The following MELK variants were observed in gnomAD, a reference collection of about 807,000 sequenced individuals.
MELK encodes the protein pEg3 kinase.
A neutral mutation model predicts 85.0 loss-of-function variants in MELK; 81 were observed. That is an observed-to-expected ratio of 0.95 (90% confidence interval 0.80 to 1.15). The LOEUF is 1.15. Ranked by LOEUF, MELK falls within the 50% of genes most tolerant of loss-of-function variation. MELK has a pLI of 0.00. For synonymous variants in MELK, 252 were observed against 265.0 expected (o/e 0.95, Z 0.48); for missense variants, 754 against 777.5 (o/e 0.97, Z 0.36).
intron 10 of MELK, among the ~76,000 whole-genome samples, chr9:36,641,739 C>T (rs1829778868): frequency 6.6e-6 from 1 of 151,572 alleles, no homozygotes; most frequent in Non-Finnish European, 1.5e-5. Context: ...TCCTGAGTAG[C>T]TGGGATTACA....
Position 36,599,470 on chromosome 9 carries a change from CAT to C in MELK, c.554_555del (p.Tyr185SerfsTer25), listed in dbSNP as rs1824681832. Reference sequence around the variant, plus strand: ...GCACCTGAGTTAATACAAGGCAAATCATATCTTGGATCAGAGGTAATTATTCA... The same window carrying C: ...GCACCTGAGTTAATACAAGGCAAATCATCTTGGATCAGAGGTAATTATTCA... On this transcript the variant is annotated frameshift_variant, in exon 7 of 18. Transcript: ENST00000298048. LOFTEE classifies it high-confidence loss of function. 1.2e-5 allele frequency: 19 copies of C among 1,610,444 alleles called. No individual in the cohort carries two copies. The highest frequency in any genetic ancestry group is 1.7e-4 in the Middle Eastern group (1 of 6,058).
chr9:36,613,280 A>C (rs1335869869), intron 8 of MELK, among the ~76,000 whole-genome samples: 3 of 152,198 alleles, frequency 2.0e-5, no homozygotes, highest in Non-Finnish European at 4.4e-5. Flanking sequence ...AAAGACAACC[A>C]CTTGTTTATG....
chr9:36,615,752 C>G (rs1207023022), intron 8 of MELK, among the ~76,000 whole-genome samples: 14 of 144,658 alleles, frequency 9.7e-5, no homozygotes, highest in African/African-American at 3.1e-4. Context: ...ACATCTCAGA[C>G]GATGGGCGGC....
chr9:36,629,142 G>A (rs936123470), intron 8 of MELK, among the ~76,000 whole-genome samples: 1 of 152,214 alleles, frequency 6.6e-6, no homozygotes. Context: ...TGGGATTACA[G>A]GTGTGAGCCA....
chr9:36,604,815 G>A (rs1825318895), intron 7 of MELK, among the ~76,000 whole-genome samples: 1 of 152,022 alleles, frequency 6.6e-6, no homozygotes, highest in Admixed American at 6.6e-5. Context: ...GGCAAATTTT[G>A]TATTTTTAGT....
At position 36,594,656 on chromosome 9, in the gene MELK, A is replaced by T; in HGVS notation, c.290A>T (p.Tyr97Phe). 6.2e-7 allele frequency: 1 copy of T among 1,614,002 alleles called. No individual in the cohort carries two copies. The highest frequency in any genetic ancestry group is 1.1e-5 in the South Asian group (1 of 91,052). ...EYCPGGELFD[Y>F]IISQDRLSEE... The stretch of plus-strand genomic sequence containing the variant: ...TGCCCTGGAGGAGAGCTGTTTGACT[A>T]TATAATTTCCCAGGATCGCCTGTCA... The change falls in exon 5 of 18, where the codon TAT becomes TTT. Residue 97 changes from tyrosine to phenylalanine, a missense_variant. Physicochemically the swap from Tyr to Phe is conservative, Grantham distance 22 (BLOSUM62 3). Coordinates refer to ENST00000298048, the MANE Select transcript of MELK (RefSeq NM_014791.4).
At chr9:36,596,590 G>GTTT (rs34969370) in intron 5 of MELK, among the ~76,000 whole-genome samples, 1 of 91,318 alleles carries the variant, frequency 1.1e-5, no homozygotes, top group Non-Finnish European at 2.0e-5. Context: ...TGTTTTTTTT[G>GTTT]TTTTTTTTTT....
intron 7 of MELK, among the ~76,000 whole-genome samples, chr9:36,603,704 G>A (rs1392106706): frequency 2.0e-5 from 3 of 152,088 alleles, no homozygotes; most frequent in African/African-American, 7.2e-5. Flanking sequence ...AAAGTGCTGG[G>A]AGCCAGTTAT....
chr9:36,596,054 G>A (rs1824193488), intron 5 of MELK, among the ~76,000 whole-genome samples: 1 of 151,940 alleles, frequency 6.6e-6, no homozygotes, highest in African/African-American at 2.4e-5. Flanking sequence ...GACTTCAAGT[G>A]ATGCGCCTGC....
chr9:36,594,648 G>C lies in MELK; in HGVS notation c.282G>C (p.Leu94=). ...TGAAGTACTGCCCTGGAGGAGAGCT[G>C]TTTGACTATATAATTTCCCAGGATC... ...MVLEYCPGGE[L]FDYIISQDRL... is the part of the protein sequence containing the mutation. The change falls in exon 5 of 18, where the codon CTG becomes CTC. Residue 94 remains leucine, a synonymous_variant. Coordinates refer to ENST00000298048, the MANE Select transcript of MELK (RefSeq NM_014791.4). 1 of 1,614,104 alleles carries C rather than the reference G, an allele frequency of 6.2e-7. No individual in the cohort carries two copies. Among genetic ancestry groups the C allele is most frequent in the African/African-American group, 1.3e-5 (1 of 75,060 alleles).
chr9:36,629,453 T>G (rs533751948), intron 8 of MELK, among the ~76,000 whole-genome samples: 1 of 152,342 alleles, frequency 6.6e-6, no homozygotes, highest in East Asian at 1.9e-4. Context: ...TTGTATACAT[T>G]TGCCTTCTTA....
chr9:36,579,091 G>A (rs1352298423), intron 1 of MELK, among the ~76,000 whole-genome samples: 3 of 151,956 alleles, frequency 2.0e-5, no homozygotes, highest in East Asian at 1.9e-4. Context: ...GCAGTGGCAC[G>A]ATCTCGGCTC....
chr9:36,604,930 A>T (rs1825335878), intron 7 of MELK, among the ~76,000 whole-genome samples: 1 of 151,780 alleles, frequency 6.6e-6, no homozygotes, highest in Non-Finnish European at 1.5e-5. Context: ...GGTGTGAGCC[A>T]CTGCGCCCAG....
At chr9:36,615,843 CG>C (rs1304717269) in intron 8 of MELK, among the ~76,000 whole-genome samples, 9 of 149,620 alleles carry the variant, frequency 6.0e-5, no homozygotes, top group East Asian at 2.0e-4. Context: ...GGATGGCGGC[CG>C]GGCGGAGACG....
chr9:36,611,579 G>T (rs532141566), intron 8 of MELK, among the ~76,000 whole-genome samples: 3 of 152,150 alleles, frequency 2.0e-5, no homozygotes, highest in African/African-American at 7.2e-5. Flanking sequence ...TTGAAATTCA[G>T]AAGCTTCAGA....
chr9:36,582,690 T>A (rs971057379), intron 2 of MELK, among the ~76,000 whole-genome samples: 2 of 152,180 alleles, frequency 1.3e-5, no homozygotes, highest in Non-Finnish European at 2.9e-5. Flanking sequence ...ATCTGCCTGC[T>A]TTCCCCCAAG....
intron 8 of MELK, among the ~76,000 whole-genome samples, chr9:36,609,393 CTG>C (rs1491288496): frequency 6.6e-6 from 1 of 151,288 alleles, no homozygotes; most frequent in Non-Finnish European, 1.5e-5. Context: ...CCATAGCAAA[CTG>C]AGGTCAGACT....
chr9:36,580,038 CTTT>C (rs58166111), intron 1 of MELK, among the ~76,000 whole-genome samples: 102 of 117,954 alleles, frequency 8.6e-4, no homozygotes, highest in African/African-American at 3.0e-3. Context: ...TTCATGTCTT[CTTT>C]TTTTTTTTTT....
chr9:36,604,857 G>A (rs985392799), intron 7 of MELK, among the ~76,000 whole-genome samples: 6 of 152,142 alleles, frequency 3.9e-5, no homozygotes, highest in African/African-American at 1.4e-4. Context: ...TGGTCAGGCT[G>A]GTCTTGAACT....
Sources: allele counts gnomAD v4.1 joint callset (sites outside exome capture counted in the v4.1 genomes callset), GRCh38; gene constraint gnomAD v4.1.1; transcripts MANE v1.5; gene names NCBI Gene and HGNC (gene_info 2026-07-23, HGNC 2026-07-21).